The following ATAD2B variants were observed in gnomAD, a reference collection of about 807,000 sequenced individuals.
The protein encoded by ATAD2B is ATPase family AAA domain-containing protein 2B.
Under a neutral mutation model 167.6 loss-of-function variants are expected in ATAD2B, and 40 were observed. The observed-to-expected ratio is 0.24, with a 90% CI of 0.19 to 0.31. The LOEUF (loss-of-function observed/expected upper bound fraction) is 0.31, where lower values mean the gene tolerates loss of function less well. ATAD2B is among the 10% of genes least tolerant of loss of function. The pLI is 1.00. For missense variants in ATAD2B, 1,242 were observed against 1,757.2 expected (o/e 0.71, Z 5.24); for synonymous variants, 579 against 596.5 (o/e 0.97, Z 0.43).
At chr2:23,787,046 GAA>G (rs367703424) in intron 20 of ATAD2B, among the ~76,000 whole-genome samples, 2 of 136,006 alleles carry the variant, frequency 1.5e-5, no homozygotes. Context: ...GGAAGGGAGG[GAA>G]AAAAAAAAAA....
At chr2:23,696,749 G>A in the ATAD2B span, 1 of 473,226 alleles carries the variant, frequency 2.1e-6, no homozygotes, top group South Asian at 2.9e-5. The surrounding 1 kb of genome is among the most constrained non-coding windows in gnomAD (Gnocchi z 5.5). Context: ...GGGAGATGGG[G>A]CGCTTCTGTC....
intron 7 of ATAD2B, among the ~76,000 whole-genome samples, chr2:23,878,032 A>AAAAAAAAAAAAAAAAAC (rs1697267308): frequency 1.4e-5 from 2 of 147,170 alleles, no homozygotes; most frequent in Non-Finnish European, 3.0e-5. Flanking sequence ...AAAAAAAAAA[A>AAAAAAAAAAAAAAAAAC]AAAAAAAGCA....
intron 18 of ATAD2B, among the ~76,000 whole-genome samples, chr2:23,805,795 T>TAAAAAAAAAAAAAAAAAA (rs3030816): frequency 3.0e-5 from 3 of 100,962 alleles, no homozygotes; most frequent in African/African-American, 6.8e-5. Flanking sequence ...TATCAAGCTT[T>TAAAAAAAAAAAAAAAAAA]AAAAAAAAAA....
chr2:23,722,217 C>T, the ATAD2B span, among the ~76,000 whole-genome samples: 1 of 151,870 alleles, frequency 6.6e-6, no homozygotes, highest in Non-Finnish European at 1.5e-5. Flanking sequence ...ATGTAACCTC[C>T]AAAGAAAACA....
chr2:23,804,822 TA>T (rs995779788), intron 18 of ATAD2B, among the ~76,000 whole-genome samples: 20 of 151,610 alleles, frequency 1.3e-4, no homozygotes, highest in Non-Finnish European at 8.8e-5. Flanking sequence ...TAAACAAAAA[TA>T]AAAAAACCTT....
At chr2:23,698,307 G>A in the ATAD2B span, among the ~76,000 whole-genome samples, 2 of 152,232 alleles carry the variant, frequency 1.3e-5, no homozygotes, top group Non-Finnish European at 2.9e-5. Context: ...GCAGGATGCA[G>A]GCTTGAAGAC....
intron 18 of ATAD2B, among the ~76,000 whole-genome samples, chr2:23,808,077 G>GTAATTATATATATAATTATATATATAAC: frequency 8.1e-6 from 1 of 122,790 alleles, no homozygotes; most frequent in Non-Finnish European, 1.6e-5. Flanking sequence ...TAATATATAA[G>GTAATTATATATATAATTATATATATAAC]TAATTATATA....
chr2:23,894,068 C>T (rs796249638), intron 2 of ATAD2B, among the ~76,000 whole-genome samples: 9 of 152,222 alleles, frequency 5.9e-5, no homozygotes, highest in African/African-American at 2.2e-4. Context: ...ACTCAAAATG[C>T]ATCTAGGATT....
chr2:23,877,791 T>C (rs1573199669), intron 7 of ATAD2B, among the ~76,000 whole-genome samples: 1 of 145,526 alleles, frequency 6.9e-6, no homozygotes, highest in East Asian at 2.1e-4. Context: ...ACCAGGGCGG[T>C]AGAAGCTGCA....
chr2:23,692,906 G>A, the ATAD2B span, among the ~76,000 whole-genome samples: 25 of 152,302 alleles, frequency 1.6e-4, no homozygotes, highest in South Asian at 3.5e-3. Context: ...GGAAGATGCT[G>A]TAAGCCTCAG....
intron 25 of ATAD2B, among the ~76,000 whole-genome samples, chr2:23,755,539 G>A (rs1675851266): frequency 6.6e-6 from 1 of 152,116 alleles, no homozygotes; most frequent in African/African-American, 2.4e-5. Context: ...CTCTTAAGAG[G>A]AGGATGAGTG....
At chr2:23,684,838 CAG>C in the ATAD2B span, among the ~76,000 whole-genome samples, 1 of 152,202 alleles carries the variant, frequency 6.6e-6, no homozygotes, top group African/African-American at 2.4e-5. This position sits in a 1 kb window ranked among gnomAD's most constrained non-coding sequence, Gnocchi z 4.4. Flanking sequence ...CCCAGGTTCT[CAG>C]TGGCTCACAA....
chr2:23,908,928 A>C lies in ATAD2B; in HGVS notation c.217-12958T>G, dbSNP rs1253451432. Among the ~76,000 whole-genome samples the C allele has an allele frequency of 2.1e-5, 3 of 144,842 alleles. No individual in the cohort carries two copies. The Admixed American group carries it at 2.2e-4, about 10-fold the overall frequency. ...CCGCATATTCTCACTCATAGGTGGGAATTGAACAATGATAACACATGGACA... is the reference window on the plus strand; with the variant it reads ...CCGCATATTCTCACTCATAGGTGGGCATTGAACAATGATAACACATGGACA... On this transcript the variant is annotated intron_variant, in intron 1 of 27. Transcript: ENST00000238789.
chr2:23,820,567 CAATT>C (rs1180195183), intron 16 of ATAD2B, among the ~76,000 whole-genome samples: 14 of 152,000 alleles, frequency 9.2e-5, no homozygotes, highest in African/African-American at 2.9e-4. Context: ...TTAAAACTGA[CAATT>C]CATTCAATAA....
chr2:23,835,331 A>G (rs546768712), intron 13 of ATAD2B, among the ~76,000 whole-genome samples: 1 of 152,376 alleles, frequency 6.6e-6, no homozygotes, highest in African/African-American at 2.4e-5. Flanking sequence ...GTATTCCTCA[A>G]TAAAAATAAA....
chr2:23,686,810 A>G, the ATAD2B span, among the ~76,000 whole-genome samples: 2 of 152,148 alleles, frequency 1.3e-5, no homozygotes, highest in African/African-American at 4.8e-5. Context: ...GGCCTTCAGC[A>G]TACAGTAAGG....
chr2:23,896,153 C>CAAAA (rs1158562523), intron 1 of ATAD2B, among the ~76,000 whole-genome samples, 183 bp from the exon 2 acceptor site: 13,995 of 125,252 alleles, frequency 0.11, 822 homozygotes, highest in Middle Eastern at 0.18. Flanking sequence ...CCGCCTCTAC[C>CAAAA]AAAAAAAAAA....
chr2:23,786,463 A>G (rs1203090123), intron 20 of ATAD2B, among the ~76,000 whole-genome samples: 5 of 152,108 alleles, frequency 3.3e-5, no homozygotes, highest in African/African-American at 1.2e-4. Flanking sequence ...GCTATATGGT[A>G]AAGCTTATTG....
At chr2:23,849,458 G>C (rs1178263840) in intron 13 of ATAD2B, among the ~76,000 whole-genome samples, 2 of 152,152 alleles carry the variant, frequency 1.3e-5, no homozygotes, top group Admixed American at 1.3e-4. Context: ...CAGAATTAAA[G>C]GGACAAAGAA....
Sources: allele counts gnomAD v4.1 joint callset (sites outside exome capture counted in the v4.1 genomes callset), GRCh38; gene constraint gnomAD v4.1.1; non-coding constraint Gnocchi (gnomAD v3.1); transcripts MANE v1.5; gene names NCBI Gene and HGNC (gene_info 2026-07-23, HGNC 2026-07-21).